Variants in LRRC7 observed in about 807,000 individuals in gnomAD.
LRRC7 encodes the protein leucine rich repeat containing 7, also known as leucine-rich repeat-containing protein 7.
A neutral mutation model predicts 175.7 loss-of-function variants in LRRC7; 23 were observed. The ratio of observed to expected loss-of-function variants is 0.13; its 90% confidence interval spans 0.09 to 0.19. LRRC7 has a LOEUF of 0.19. LRRC7 is among the 10% of genes least tolerant of loss of function. The probability of loss-of-function intolerance (pLI) is 1.00; values close to 1 mark genes in which losing one functional copy is unlikely to be tolerated. For missense variants in LRRC7, 1,354 were observed against 1,904.7 expected (o/e 0.71, Z 5.38); for synonymous variants, 685 against 680.9 (o/e 1.01, Z -0.09).
chr1:69,898,807 G>T lies in LRRC7; in HGVS notation c.648-32700G>T, dbSNP rs945201129. Among the ~76,000 whole-genome samples, 5 of 152,330 alleles carry T rather than the reference G, an allele frequency of 3.3e-5. No homozygotes were observed. The East Asian group carries it at 9.6e-4, about 29-fold the overall frequency. On this transcript the variant is annotated intron_variant, in intron 7 of 26. Coordinates refer to ENST00000651989, the MANE Select transcript of LRRC7 (RefSeq NM_001370785.2). ...CGCCCAATTCACTGACACCAGAAAG[G>T]ATTAAAAGCCAAATATCTGGTTTCT... is the stretch of plus-strand genomic sequence containing the variant.
intron 13 of LRRC7, 39 bp from the exon 14 acceptor site, chr1:70,016,426 A>G (rs764419341): frequency 3.5e-6 from 5 of 1,410,238 alleles, no homozygotes; most frequent in East Asian, 2.4e-5. Flanking sequence ...ACTATTATCC[A>G]TCTTTACCCA....
chr1:69,613,606 CAG>C (rs1198653645), intron 1 of LRRC7, among the ~76,000 whole-genome samples: 1 of 151,974 alleles, frequency 6.6e-6, no homozygotes, highest in East Asian at 1.9e-4. Flanking sequence ...TTGATGAGGT[CAG>C]AGAGAGCATG....
intron 23 of LRRC7, among the ~76,000 whole-genome samples, chr1:70,060,168 A>G (rs1661466234): frequency 6.6e-6 from 1 of 151,804 alleles, no homozygotes; most frequent in Non-Finnish European, 1.5e-5. Context: ...AAAAATGTCA[A>G]AAAAAATTAG....
At chr1:69,937,893 G>A (rs1003047709) in intron 8 of LRRC7, among the ~76,000 whole-genome samples, 2 of 151,446 alleles carry the variant, frequency 1.3e-5, no homozygotes, top group South Asian at 2.1e-4. Flanking sequence ...AAAATTATAC[G>A]GTATTAATTT....
intron 1 of LRRC7, among the ~76,000 whole-genome samples, chr1:69,622,435 A>C (rs542134995): frequency 6.6e-6 from 1 of 152,294 alleles, no homozygotes; most frequent in South Asian, 2.1e-4. Context: ...CTTTTCTAAG[A>C]GTCTGGAGAT....
chr1:70,055,479 A>G (rs533406611), intron 23 of LRRC7, among the ~76,000 whole-genome samples: 185 of 152,304 alleles, frequency 1.2e-3, no homozygotes, highest in African/African-American at 4.3e-3. Flanking sequence ...TGGGTGGTGG[A>G]AAGATATGCT....
At chr1:69,826,928 T>G (rs748028483) in intron 5 of LRRC7, among the ~76,000 whole-genome samples, 1 of 152,038 alleles carries the variant, frequency 6.6e-6, no homozygotes. Context: ...GTGAAATAGA[T>G]GTAAAAGAAT....
intron 4 of LRRC7, among the ~76,000 whole-genome samples, chr1:69,818,336 G>C (rs1218672822): frequency 1.3e-5 from 2 of 151,854 alleles, no homozygotes; most frequent in African/African-American, 4.8e-5. Flanking sequence ...GTTGGATTTT[G>C]TTCAATGCTT....
intron 2 of LRRC7, among the ~76,000 whole-genome samples, chr1:69,743,170 G>A (rs1169951266): frequency 6.6e-6 from 1 of 151,976 alleles, no homozygotes; most frequent in Non-Finnish European, 1.5e-5. Flanking sequence ...AAGAATTCTA[G>A]AATTGTCTGT....
intron 21 of LRRC7, 114 bp from the exon 22 acceptor site, chr1:70,043,834 TAAAAAG>T: frequency 1.7e-6 from 2 of 1,210,020 alleles, no homozygotes; most frequent in Admixed American, 2.3e-5. Flanking sequence ...CATGTTTTTT[TAAAAAG>T]TTACTGTTTG....
In LRRC7 at chr1:70,128,990, AATCCCAGCACTTAGG is replaced by A. The variant is rs1666557462; in HGVS notation, c.*7104_*7118del. 6.6e-6 allele frequency among the ~76,000 whole-genome samples: 1 copy of A among 152,172 alleles called. No homozygotes were observed. Among genetic ancestry groups the A allele is most frequent in the Non-Finnish European group, 1.5e-5 (1 of 68,038 alleles). On this transcript the variant is annotated 3_prime_UTR_variant, in exon 27 of 27. Transcript: ENST00000651989. ...GCCGGGTGCGGTGACTTATGCCTGT[AATCCCAGCACTTAGG>A]GAGGCCGAGGCAGGTGGATCACTTG... is the stretch of plus-strand genomic sequence containing the variant.
chr1:69,838,314 A>G (rs1681344404), intron 7 of LRRC7, 31 bp downstream of exon 7: 2 of 1,551,976 alleles, frequency 1.3e-6, no homozygotes, highest in Non-Finnish European at 1.8e-6. Flanking sequence ...TGAATTTTGA[A>G]CTGTGATTTT....
intron 2 of LRRC7, among the ~76,000 whole-genome samples, chr1:69,682,674 G>T (rs1660642037): frequency 6.6e-6 from 1 of 152,054 alleles, no homozygotes. Flanking sequence ...TACCAAATCT[G>T]CCAACATCTT....
At chr1:69,634,858 C>T (rs1307961524) in intron 1 of LRRC7, among the ~76,000 whole-genome samples, 1 of 152,022 alleles carries the variant, frequency 6.6e-6, no homozygotes, top group Non-Finnish European at 1.5e-5. Context: ...GACTGAAGCA[C>T]ACATAAAAGA....
Position 70,131,772 on chromosome 1 carries a change from C to T in LRRC7, c.*9885C>T, listed in dbSNP as rs1666673632. ...TCTTTGGTATCTTATAGCCCAGTGT[C>T]TATACATTTACATGGGTAAAAGAAT... is the stretch of plus-strand genomic sequence containing the variant. On this transcript the variant is annotated 3_prime_UTR_variant, in exon 27 of 27. Coordinates refer to ENST00000651989, the MANE Select transcript of LRRC7 (RefSeq NM_001370785.2). Among the ~76,000 whole-genome samples the T allele has an allele frequency of 6.6e-6, 1 of 152,018 alleles. No homozygotes were observed. The highest frequency in any genetic ancestry group is 1.5e-5 in the Non-Finnish European group (1 of 68,022).
chr1:69,765,215 G>A (rs564539354), intron 3 of LRRC7, among the ~76,000 whole-genome samples: 99 of 152,188 alleles, frequency 6.5e-4, no homozygotes, highest in African/African-American at 2.2e-3. Context: ...TGATACGTAA[G>A]TCCAAAGGGA....
Position 69,815,003 on chromosome 1 carries a change from A to C in LRRC7, c.422-10745A>C, listed in dbSNP as rs567476550. On this transcript the variant is annotated intron_variant, in intron 4 of 26. Coordinates refer to ENST00000651989, the MANE Select transcript of LRRC7 (RefSeq NM_001370785.2). Reference sequence around the variant, plus strand: ...CCCAGAACTCTCCCTAAGCTGCGTAAATTTCCTGTCAATATGTTCAAACAC... The same window carrying C: ...CCCAGAACTCTCCCTAAGCTGCGTACATTTCCTGTCAATATGTTCAAACAC... 2.6e-5 allele frequency among the ~76,000 whole-genome samples: 4 copies of C among 152,156 alleles called. No individual in the cohort carries two copies. In the South Asian group the frequency reaches 8.3e-4, roughly 32 times the overall value.
Position 70,001,636 on chromosome 1 carries a change from A to G in LRRC7, c.1004+7003A>G, listed in dbSNP as rs540325473. Among the ~76,000 whole-genome samples, 210 of 152,332 alleles carry G rather than the reference A, an allele frequency of 1.4e-3. 5 individuals carry two copies. The South Asian group carries it at 0.04, about 29-fold the overall frequency. ...TATTCTGCACACGGAATATTTCAGT[A>G]TTTCAGACTTATCTTAAAAACTCCT... is the stretch of plus-strand genomic sequence containing the variant. On this transcript the variant is annotated intron_variant, in intron 11 of 26. Transcript: ENST00000651989.
At chr1:69,814,089 A>C (rs1678294132) in intron 4 of LRRC7, among the ~76,000 whole-genome samples, 1 of 152,118 alleles carries the variant, frequency 6.6e-6, no homozygotes, top group Admixed American at 6.6e-5. Flanking sequence ...AGGACCAGAC[A>C]GAAGATTACA....
Sources: gnomAD v4.1 joint callset for allele counts (sites outside exome capture counted in the v4.1 genomes callset) on GRCh38, gnomAD v4.1.1 for gene constraint, MANE v1.5 for transcripts, NCBI Gene and HGNC (gene_info 2026-07-23, HGNC 2026-07-21) for gene names.